CDK14: variants seen among roughly 807,000 people sequenced by gnomAD.
CDK14 encodes the protein cyclin-dependent kinase 14.
A neutral mutation model predicts 60.7 loss-of-function variants in CDK14; 34 were observed. The ratio of observed to expected loss-of-function variants is 0.56; its 90% CI spans 0.43 to 0.75. CDK14 has a LOEUF of 0.75. CDK14 is among the 30% of genes least tolerant of loss of function. The pLI, the probability that CDK14 is intolerant of heterozygous loss-of-function variation, is 0.00. For missense variants in CDK14, 482 were observed against 564.1 expected (o/e 0.85, Z 1.47); for synonymous variants, 197 against 203.7 (o/e 0.97, Z 0.28).
chr7:91,125,896 G>A (rs1479520980), intron 14 of CDK14, among the ~76,000 whole-genome samples: 7 of 152,074 alleles, frequency 4.6e-5, no homozygotes, highest in Non-Finnish European at 1.0e-4. Context: ...AATGCAATTA[G>A]TAAAATGCCC....
intron 2 of CDK14, among the ~76,000 whole-genome samples, chr7:90,630,604 C>T (rs968172477): frequency 6.6e-6 from 1 of 152,014 alleles, no homozygotes; most frequent in Non-Finnish European, 1.5e-5. Flanking sequence ...CTGGCAAATC[C>T]CATCCTTAGT....
At position 90,779,901 on chromosome 7, in the gene CDK14, G is replaced by T. The variant is rs114439846; in HGVS notation, c.465-10672G>T. ...TCCAGAAAAATTGAGTCTATACATT[G>T]CAATGAATTGCAGTTACATGTCAAT... is the stretch of plus-strand genomic sequence containing the variant. On this transcript the variant is annotated intron_variant, in intron 4 of 14. Transcript: ENST00000380050. 7.9e-3 allele frequency among the ~76,000 whole-genome samples: 1,204 copies of T among 152,196 alleles called. 14 individuals are homozygous for T. Among genetic ancestry groups the T allele is most frequent in the African/African-American group, 0.027 (1,109 of 41,530 alleles).
intron 11 of CDK14, among the ~76,000 whole-genome samples, chr7:91,051,895 T>A (rs2116056138): frequency 6.6e-6 from 1 of 152,326 alleles, no homozygotes. Flanking sequence ...CAGTGCAATT[T>A]TTTTGTTGCT....
intron 2 of CDK14, among the ~76,000 whole-genome samples, chr7:90,641,581 A>G (rs370093254): frequency 6.6e-6 from 1 of 151,978 alleles, no homozygotes; most frequent in East Asian, 1.9e-4. Context: ...GTAAATCTAT[A>G]GAGACAGAAA....
intron 11 of CDK14, among the ~76,000 whole-genome samples, chr7:91,059,657 T>G (rs1797714123): frequency 6.6e-6 from 1 of 152,228 alleles, no homozygotes; most frequent in South Asian, 2.1e-4. Flanking sequence ...TTCATTTCGT[T>G]ATGTACCCAG....
intron 12 of CDK14, among the ~76,000 whole-genome samples, chr7:91,091,831 C>T (rs755016655): frequency 2.6e-5 from 4 of 151,634 alleles, no homozygotes; most frequent in African/African-American, 4.8e-5. Context: ...TCTTTAAATA[C>T]TTCCATATCT....
At chr7:91,105,429 A>G (rs928534472) in intron 12 of CDK14, among the ~76,000 whole-genome samples, 4 of 152,214 alleles carry the variant, frequency 2.6e-5, no homozygotes, top group Non-Finnish European at 5.9e-5. Context: ...AGCCTTCACT[A>G]TGGATGGGGA....
intron 1 of CDK14, among the ~76,000 whole-genome samples, chr7:90,598,856 C>T (rs1211734978): frequency 1.3e-5 from 2 of 150,328 alleles, no homozygotes; most frequent in African/African-American, 4.9e-5. Flanking sequence ...AGGCGCCCGC[C>T]ACTACGCCTG....
At position 91,174,086 on chromosome 7, in the gene CDK14, C is replaced by T. The variant is rs201430148; in HGVS notation, c.*29-33079C>T. ...GACAGCTTTGAAGAGAGCAGTGGTT[C>T]TCCCAGCATGCAGCTGGAGATCTGA... On this transcript the variant is annotated intron_variant, in intron 14 of 14. Coordinates refer to ENST00000380050, the MANE Select transcript of CDK14 (RefSeq NM_001287135.2). Among the ~76,000 whole-genome samples the T allele has an allele frequency of 6.8e-4, 103 of 152,272 alleles. 1 individual carries two copies. In the East Asian group the frequency reaches 0.019, roughly 28 times the overall value.
intron 11 of CDK14, among the ~76,000 whole-genome samples, chr7:91,079,057 G>A (rs1223718847): frequency 6.6e-6 from 1 of 152,064 alleles, no homozygotes; most frequent in East Asian, 1.9e-4. Flanking sequence ...ATCATCATAG[G>A]AAAAAAACAG....
intron 14 of CDK14, among the ~76,000 whole-genome samples, chr7:91,201,649 ATGT>A (rs1802731879): frequency 6.6e-6 from 1 of 152,066 alleles, no homozygotes; most frequent in South Asian, 2.1e-4. Context: ...GTCCTCAGCG[ATGT>A]TGTCCCTCCG....
intron 14 of CDK14, among the ~76,000 whole-genome samples, chr7:91,197,615 T>C (rs1481251809): frequency 6.6e-6 from 1 of 152,214 alleles, no homozygotes; most frequent in South Asian, 2.1e-4. Flanking sequence ...AAATCTATTA[T>C]CTTCCAAACA....
rs143879840 is a variant in CDK14, at chr7:90,696,074, C to T, written c.124-30493C>T. On this transcript the variant is annotated intron_variant, in intron 2 of 14. Transcript: ENST00000380050. ...CATCACCTAGGTGAGATGTGTTGGT[C>T]GCCTGTATTAGGATGGGAGCAGTGG... 2.1e-3 allele frequency among the ~76,000 whole-genome samples: 325 copies of T among 152,162 alleles called. 1 individual carries two copies. Among genetic ancestry groups the T allele is most frequent in the African/African-American group, 6.8e-3 (281 of 41,520 alleles).
chr7:91,079,545 A>G, intron 12 of CDK14, 65 bp downstream of exon 12: 1 of 1,154,924 alleles, frequency 8.7e-7, no homozygotes, highest in Non-Finnish European at 1.3e-6. Flanking sequence ...AACTCTTCTC[A>G]TACGTTTTTC....
chr7:90,726,358 T>A, intron 2 of CDK14: 1 of 1,323,684 alleles, frequency 7.6e-7, no homozygotes, highest in Non-Finnish European at 9.8e-7. Context: ...TTTTTTAGTG[T>A]AAGCTCTAGT....
intron 2 of CDK14, among the ~76,000 whole-genome samples, chr7:90,671,572 G>A (rs1191554378): frequency 1.3e-5 from 2 of 152,094 alleles, no homozygotes; most frequent in African/African-American, 4.8e-5. Flanking sequence ...GGCTTGTCTT[G>A]ATGTTTCATT....
chr7:91,040,495 C>T (rs768277162), intron 10 of CDK14, among the ~76,000 whole-genome samples: 11 of 152,206 alleles, frequency 7.2e-5, no homozygotes, highest in Non-Finnish European at 1.3e-4. Context: ...TGTGGACTTT[C>T]AGAGTTGCAG....
rs971686697 is a variant in CDK14, at chr7:90,863,397, A to G, written c.639+128A>G. ...TATTTTATCTGAATACATGAGAATT[A>G]TAATTTTGTATAAAATAAAGGCCCT... On this transcript the variant is annotated intron_variant, in intron 6 of 14. Transcript: ENST00000380050. 9.6e-6 allele frequency: 5 copies of G among 523,288 alleles called. No homozygotes were observed. The Admixed American group carries it at 1.4e-4, about 15-fold the overall frequency. 32.4% of individuals were successfully genotyped at this position (523,288 alleles called of 1,614,324 possible).
rs866105869 is a variant in CDK14, at chr7:90,636,059, A to G, written c.123+31810A>G. Among the ~76,000 whole-genome samples the G allele has an allele frequency of 1.5e-4, 23 of 150,594 alleles. No individual in the cohort carries two copies. In the Middle Eastern group the frequency reaches 0.014, roughly 90 times the overall value. ...GCTGAGACAATGGGGTTTTCTAGAT[A>G]TACAATCATGTCATCTGCAAACAGG... On this transcript the variant is annotated intron_variant, in intron 2 of 14. Transcript: ENST00000380050.
Sources: gnomAD v4.1 joint callset for allele counts (sites outside exome capture counted in the v4.1 genomes callset) on GRCh38, gnomAD v4.1.1 for gene constraint, MANE v1.5 for transcripts, NCBI Gene and HGNC (gene_info 2026-07-23, HGNC 2026-07-21) for gene names.